Variants in ADAMTSL1 observed in about 807,000 individuals in gnomAD.
ADAMTSL1 encodes ADAMTS-like protein 1.
A neutral mutation model predicts 201.8 loss-of-function variants in ADAMTSL1; 126 were observed. That is an observed-to-expected ratio of 0.62 (90% CI 0.54 to 0.72). The LOEUF (loss-of-function observed/expected upper bound fraction) is 0.72. Among genes scored for constraint, ADAMTSL1 ranks in the 30% least tolerant of loss-of-function variants. The pLI, the probability that ADAMTSL1 is intolerant of heterozygous loss-of-function variation, is 0.00. For synonymous variants in ADAMTSL1, 1,121 were observed against 903.4 expected, an observed-to-expected ratio of 1.24 and a Z score of -4.32; for missense variants, 2,679 against 2,277.8, an observed-to-expected ratio of 1.18 and a Z score of -3.59.
chr9:18,609,103 T>C (rs1303568408), intron 4 of ADAMTSL1, among the ~76,000 whole-genome samples: 2 of 152,100 alleles, frequency 1.3e-5, no homozygotes, highest in Admixed American at 1.3e-4. Context: ...GCACCTTAGG[T>C]TTTAGAAGAA....
At chr9:18,133,387 G>C (rs556431172) in intron 1 of ADAMTSL1, among the ~76,000 whole-genome samples, 2 of 152,158 alleles carry the variant, frequency 1.3e-5, no homozygotes, top group African/African-American at 4.8e-5. Flanking sequence ...TAACAATAAC[G>C]ACCAGCATTA....
intron 19 of ADAMTSL1, among the ~76,000 whole-genome samples, chr9:18,785,406 C>T (rs960041393): frequency 6.6e-6 from 1 of 152,172 alleles, no homozygotes; most frequent in Non-Finnish European, 1.5e-5. Flanking sequence ...GCCTTTTCTT[C>T]TACTGATAGC....
chr9:18,763,315 G>A (rs1380170917), intron 16 of ADAMTSL1, among the ~76,000 whole-genome samples: 1 of 152,168 alleles, frequency 6.6e-6, no homozygotes, highest in South Asian at 2.1e-4. Flanking sequence ...TTTGAGAGAT[G>A]TCTAGTCAGA....
At chr9:18,907,800 TACCAA>T (rs1830399282) in intron 28 of ADAMTSL1, 1 of 154,136 alleles carries the variant, frequency 6.5e-6, no homozygotes, top group Admixed American at 6.4e-5. Context: ...AGTTAAAACT[TACCAA>T]ACCAAGTCAG....
intron 2 of ADAMTSL1, among the ~76,000 whole-genome samples, chr9:18,330,965 A>C (rs1835005990): frequency 1.3e-5 from 2 of 152,212 alleles, no homozygotes; most frequent in African/African-American, 4.8e-5. Context: ...CTGGAGGAAG[A>C]GAAGTGAAGA....
At chr9:18,451,333 A>C (rs1385859326) in intron 2 of ADAMTSL1, among the ~76,000 whole-genome samples, 1 of 152,166 alleles carries the variant, frequency 6.6e-6, no homozygotes, top group South Asian at 2.1e-4. Context: ...CATTTTTTCA[A>C]CCTAGCTTAT....
At position 18,401,863 on chromosome 9, in the gene ADAMTSL1, G is replaced by A. The variant is rs560132704; in HGVS notation, c.208-102966G>A. Among the ~76,000 whole-genome samples the A allele has an allele frequency of 3.3e-5, 5 of 152,250 alleles. No individual in the cohort carries two copies. In the South Asian group the frequency reaches 6.2e-4, roughly 19 times the overall value. On this transcript the variant is annotated intron_variant, in intron 2 of 29. Transcript: ENST00000680146. ...CCTTAATGGAAGCTGTGGGAGGACC[G>A]TTCTCACCTGCAAGGGTATGGGGGC... is the stretch of plus-strand genomic sequence containing the variant.
At chr9:18,710,949 T>C (rs1214790867) in intron 14 of ADAMTSL1, among the ~76,000 whole-genome samples, 1 of 152,106 alleles carries the variant, frequency 6.6e-6, no homozygotes, top group Non-Finnish European at 1.5e-5. Flanking sequence ...TCGTCCACCA[T>C]TTAAAATCTC....
intron 3 of ADAMTSL1, among the ~76,000 whole-genome samples, chr9:18,534,866 C>A (rs1188489880): frequency 6.6e-6 from 1 of 152,208 alleles, no homozygotes; most frequent in Non-Finnish European, 1.5e-5. Context: ...ACACAGGGCA[C>A]CAAGTCCATC....
chr9:18,605,344 T>C (rs1471579939), intron 4 of ADAMTSL1, among the ~76,000 whole-genome samples: 4 of 152,202 alleles, frequency 2.6e-5, no homozygotes, highest in South Asian at 2.1e-4. Context: ...GAGCCTTTTT[T>C]CCCTAATATC....
chr9:18,175,368 A>G lies in ADAMTSL1; in HGVS notation c.207+11387A>G, dbSNP rs1017733889. ...CTGGCTGCCCATCCATTCTGCAGAC[A>G]CTGTGCATTTATCAATATAATATTG... On this transcript the variant is annotated intron_variant, in intron 2 of 29. Coordinates refer to the ADAMTSL1 transcript ENST00000680146. Among the ~76,000 whole-genome samples the G allele has an allele frequency of 5.9e-5, 9 of 152,324 alleles. No individual in the cohort carries two copies. In the East Asian group the frequency reaches 1.5e-3, roughly 26 times the overall value.
At chr9:18,114,053 A>G (rs1282711780) in intron 1 of ADAMTSL1, among the ~76,000 whole-genome samples, 1 of 152,170 alleles carries the variant, frequency 6.6e-6, no homozygotes, top group African/African-American at 2.4e-5. Context: ...AAGAAGGATC[A>G]AAAGAGGTAA....
intron 2 of ADAMTSL1, among the ~76,000 whole-genome samples, chr9:18,232,814 G>A (rs765718309): frequency 6.6e-6 from 1 of 152,132 alleles, no homozygotes; most frequent in East Asian, 1.9e-4. Context: ...CTGCTCAAGT[G>A]TAGTAACTGG....
At chr9:18,768,291 T>C (rs557737532) in intron 16 of ADAMTSL1, among the ~76,000 whole-genome samples, 1 of 152,014 alleles carries the variant, frequency 6.6e-6, no homozygotes, top group East Asian at 1.9e-4. Context: ...CACGCAGGAG[T>C]TGCTACAACC....
chr9:18,821,249 T>G (rs1824192121), intron 21 of ADAMTSL1, among the ~76,000 whole-genome samples: 1 of 152,096 alleles, frequency 6.6e-6, no homozygotes, highest in Non-Finnish European at 1.5e-5. Context: ...AATAGAAGGT[T>G]TATTTTTGCT....
In ADAMTSL1 at chr9:18,889,581, T is replaced by C; in HGVS notation, c.4476T>C (p.Ser1492=). ...CTCCCATGACAGATTACTGGTGGTC[T>C]GTGGACAGACTGGCAACCTGCTCAG... ...ASLVIQDYWW[S]VDRLATCSAS... is the part of the protein sequence containing the mutation. The change falls in exon 25 of 29, where the codon TCT becomes TCC. Residue 1492 remains serine, a synonymous_variant. Transcript: ENST00000380548. The C allele has an allele frequency of 1.9e-6, 3 of 1,613,824 alleles. No individual in the cohort carries two copies. The highest frequency in any genetic ancestry group is 2.5e-6 in the Non-Finnish European group (3 of 1,179,824).
intron 2 of ADAMTSL1, among the ~76,000 whole-genome samples, chr9:18,354,946 G>A (rs1196382926): frequency 6.6e-6 from 1 of 152,128 alleles, no homozygotes; most frequent in Non-Finnish European, 1.5e-5. Flanking sequence ...ACTCCAGCCT[G>A]GGCGACAAAG....
intron 1 of ADAMTSL1, among the ~76,000 whole-genome samples, chr9:17,928,758 A>G (rs1288596500): frequency 6.6e-6 from 1 of 152,196 alleles, no homozygotes; most frequent in Admixed American, 6.5e-5. Flanking sequence ...AAGAACAAGC[A>G]AATAAATTAT....
In ADAMTSL1 at chr9:18,705,366, A is replaced by G. The variant is rs73435524; in HGVS notation, c.1575-1381A>G. Among the ~76,000 whole-genome samples the G allele has an allele frequency of 9.3e-3, 1,410 of 152,314 alleles. 17 individuals are homozygous for G. The highest frequency in any genetic ancestry group is 0.032 in the African/African-American group (1,345 of 41,554). On this transcript the variant is annotated intron_variant, in intron 13 of 28. Transcript: ENST00000380548. ...GTCTGAATTACACTAACTTTTTGAA[A>G]CTATTAGTGGTTGCTTCTGGGCTTT...
Sources: gnomAD v4.1 joint callset for allele counts (sites outside exome capture counted in the v4.1 genomes callset) on GRCh38, gnomAD v4.1.1 for gene constraint, MANE v1.5 for transcripts, NCBI Gene and HGNC (gene_info 2026-07-23, HGNC 2026-07-21) for gene names.